NYAP1: variants seen among roughly 807,000 people sequenced by gnomAD.
NYAP1 encodes the protein neuronal tyrosine phosphorylated phosphoinositide-3-kinase adaptor 1.
In NYAP1, 20 loss-of-function variants were observed where a neutral mutation model predicts 58.6. That is an observed-to-expected ratio of 0.34 (90% confidence interval 0.24 to 0.50). The LOEUF is 0.50. Ranked by LOEUF, NYAP1 falls within the 20% of genes least tolerant of loss-of-function variation. The pLI is 0.98. For missense variants in NYAP1, 1,150 were observed against 1,194.5 expected, an observed-to-expected ratio of 0.96 and a Z score of 0.55; for synonymous variants, 572 against 523.1, an observed-to-expected ratio of 1.09 and a Z score of -1.27.
chr7:100,493,956 T>C lies in NYAP1; in HGVS notation c.*53T>C. The C allele has an allele frequency of 1.5e-6, 2 of 1,355,642 alleles. No homozygotes were observed. The highest frequency in any genetic ancestry group is 1.9e-6 in the Non-Finnish European group (2 of 1,041,088). 84.0% of individuals were successfully genotyped at this position (1,355,642 alleles called of 1,614,324 possible). On this transcript the variant is annotated 3_prime_UTR_variant, in exon 7 of 7. Coordinates refer to ENST00000300179, the MANE Select transcript of NYAP1 (RefSeq NM_173564.4). The stretch of plus-strand genomic sequence containing the variant: ...GGACTGGGGAGGGGGCGGGCACGCC[T>C]GGCTCTCCCGGGAGCCTCGCCTTGA...
rs1276315300 is a variant in NYAP1 at position 100,488,806 on chromosome 7, A to C, written c.1085A>C (p.His362Pro). Residue 362 changes from histidine to proline, a missense_variant, in exon 4 of 7, where the codon CAC (histidine) becomes CCC (proline). Coordinates refer to ENST00000300179, the MANE Select transcript of NYAP1 (RefSeq NM_173564.4). The surrounding 1 kb of genome is among the most constrained non-coding windows in gnomAD (Gnocchi z 5.9). ...GTCTCAAGGCTACCTGTCCTCTGCC[A>C]CTCCAAGGAGCCAGCCGGCTCCACC... Reference protein sequence around the residue: ...DGVSRLPVLCHSKEPAGSTPA... With the variant: ...DGVSRLPVLCPSKEPAGSTPA... 6.3e-7 allele frequency: 1 copy of C among 1,575,534 alleles called. No homozygotes were observed.
chr7:100,487,178 A>C lies in NYAP1; in HGVS notation c.426A>C (p.Lys142Asn). Residue 142 changes from lysine to asparagine, a missense_variant, in exon 3 of 7, where the codon AAA becomes AAC. By Grantham distance (94) the Lys-to-Asn change is moderately conservative. Coordinates refer to ENST00000300179, the MANE Select transcript of NYAP1 (RefSeq NM_173564.4). The surrounding 1 kb of genome is among the most constrained non-coding windows in gnomAD (Gnocchi z 4.1). The stretch of plus-strand genomic sequence containing the variant: ...GGGCAGAGACGCCCCCCAGCAAGAA[A>C]GCAGGTGAGATACCCCCTATCTCTC... ...GSGAETPPSK[K>N]AGSQKPTPEG... 1 of 1,486,512 alleles carries C rather than the reference A, an allele frequency of 6.7e-7. No individual in the cohort carries two copies. The highest frequency in any genetic ancestry group is 8.9e-7 in the Non-Finnish European group (1 of 1,119,614). The allele number at this position is 1,486,512 out of a possible 1,614,324, so 92.1% of individuals were successfully genotyped here. A position where few individuals can be genotyped will look rare whatever the true frequency, so the allele number is the denominator to read the frequency against.
rs148432643 is a variant in NYAP1 at position 100,486,299 on chromosome 7, G to A, written c.69-522G>A. Reference sequence around the variant, plus strand: ...AGAGAGAGAACAGCACCAGGGGAGAGGGAGGAAGAAGGATGGGCCAGGGAG... The same window carrying A: ...AGAGAGAGAACAGCACCAGGGGAGAAGGAGGAAGAAGGATGGGCCAGGGAG... On this transcript the variant is annotated intron_variant, in intron 2 of 6. Coordinates refer to ENST00000300179, the MANE Select transcript of NYAP1 (RefSeq NM_173564.4). The surrounding 1 kb of genome is among the most constrained non-coding windows in gnomAD (Gnocchi z 6.2). 6.6e-6 allele frequency among the ~76,000 whole-genome samples: 1 copy of A among 152,222 alleles called. No individual in the cohort carries two copies. Among genetic ancestry groups the A allele is most frequent in the Non-Finnish European group, 1.5e-5 (1 of 68,016 alleles).
Position 100,490,501 on chromosome 7 carries a change from C to A in NYAP1, c.1946-16C>A, listed in dbSNP as rs1799780718. ...TCCAACATGCAGGCACACAGCTCTC[C>A]TTGTCATCCCAGCAGAGGTCGAGGA... On this transcript the variant is annotated splice_polypyrimidine_tract_variant and intron_variant, in intron 4 of 6. Transcript: ENST00000300179. This position sits in a 1 kb window ranked among gnomAD's most constrained non-coding sequence, Gnocchi z 4.6. The A allele has an allele frequency of 7.0e-6, 11 of 1,569,038 alleles. No individual in the cohort carries two copies. The highest frequency in any genetic ancestry group is 9.5e-6 in the Non-Finnish European group (11 of 1,156,756).
At chr7:100,491,793 A>G (rs2131069974) in intron 6 of NYAP1, among the ~76,000 whole-genome samples, 1 of 152,316 alleles carries the variant, frequency 6.6e-6, no homozygotes, top group East Asian at 1.9e-4. Context: ...TCATGCCTGT[A>G]ATCCCAGCAG....
rs1481403641 is a variant in NYAP1 at position 100,487,732 on chromosome 7, G to A, written c.431-420G>A. Among the ~76,000 whole-genome samples, 3 of 152,178 alleles carry A rather than the reference G, an allele frequency of 2.0e-5. No homozygotes were observed. Among genetic ancestry groups the A allele is most frequent in the Non-Finnish European group, 2.9e-5 (2 of 68,012 alleles). ...TGGCCAGGCTGACAAGGCCAGGCTT[G>A]CTGGCCTCAGGTGATCCACCCACCT... On this transcript the variant is annotated intron_variant, in intron 3 of 6. Coordinates refer to ENST00000300179, the MANE Select transcript of NYAP1 (RefSeq NM_173564.4). The surrounding 1 kb of genome is among the most constrained non-coding windows in gnomAD (Gnocchi z 4.1).
chr7:100,493,489 G>A (rs1799824354), intron 6 of NYAP1, among the ~76,000 whole-genome samples, 157 bp from the exon 7 acceptor site: 1 of 152,262 alleles, frequency 6.6e-6, no homozygotes, highest in Non-Finnish European at 1.5e-5. Flanking sequence ...GGCCCCCATG[G>A]GCCCCACAGC....
In NYAP1 at chr7:100,493,802, A is replaced by T; in HGVS notation, c.2425A>T (p.Met809Leu). The change falls in exon 7 of 7, where the codon ATG (methionine) becomes TTG (leucine). Residue 809 changes from methionine (M) to leucine (L), a missense_variant. By Grantham distance (15) the Met-to-Leu change is conservative (BLOSUM62 2). Coordinates refer to ENST00000300179, the MANE Select transcript of NYAP1 (RefSeq NM_173564.4). The part of the protein sequence containing the change: ...PDRGLCKQES[M>L]PILPSWRRGP... Reference sequence around the variant, plus strand: ...CCGAGGCCTCTGCAAGCAGGAGAGCATGCCCATCCTCCCCAGCTGGCGGCG... The same window carrying T: ...CCGAGGCCTCTGCAAGCAGGAGAGCTTGCCCATCCTCCCCAGCTGGCGGCG... The T allele has an allele frequency of 6.3e-7, 1 of 1,599,388 alleles. No individual in the cohort carries two copies. Among genetic ancestry groups the T allele is most frequent in the South Asian group, 1.1e-5 (1 of 89,814 alleles).
Position 100,489,227 on chromosome 7 carries a change from C to T in NYAP1, c.1506C>T (p.Ser502=). Residue 502 remains serine (S), a synonymous_variant, in exon 4 of 7, where the codon AGC becomes AGT. Transcript: ENST00000300179. ...ISVLHGMLCT[S]SRPPVPGKTS... ...TCCTCCATGGGATGCTGTGTACCAG[C>T]TCAAGGCCCCCTGTGCCAGGGAAGA... 1.2e-6 allele frequency: 2 copies of T among 1,608,000 alleles called. No homozygotes were observed. The highest frequency in any genetic ancestry group is 2.2e-5 in the East Asian group (1 of 44,696).
rs145226359 is a variant in NYAP1 at position 100,488,663 on chromosome 7, G to A, written c.942G>A (p.Thr314=). Residue 314 remains threonine, a synonymous_variant, in exon 4 of 7, where the codon ACG becomes ACA. Coordinates refer to ENST00000300179, the MANE Select transcript of NYAP1 (RefSeq NM_173564.4). The surrounding 1 kb of genome is among the most constrained non-coding windows in gnomAD (Gnocchi z 5.9). ...CCCTCCCGAGCCGGAGGGACGGGAC[G>A]CCCACCAAGACCACTCCTTGTGAAA... The part of the protein sequence containing the change: ...ASALPSRRDG[T]PTKTTPCEIP... 8 of 1,610,308 alleles carry A rather than the reference G, an allele frequency of 5.0e-6. No individual in the cohort carries two copies. The highest frequency in any genetic ancestry group is 4.4e-5 in the South Asian group (4 of 90,942).
At chr7:100,491,118 T>C (rs1799790881) in intron 6 of NYAP1, 23 bp downstream of exon 6, 1 of 1,438,162 alleles carries the variant, frequency 7.0e-7, no homozygotes, top group African/African-American at 1.4e-5. Context: ...TTTTCTTTTA[T>C]TTGTGAAGGA....
rs141511133 is a variant in NYAP1, at chr7:100,488,725, C to T, written c.1004C>T (p.Pro335Leu). ...TTCCCCAACCTCCTTCAGCACCGGCCTCCACTCCTGGCCTTCCCCCAAGCC... is the reference window on the plus strand; with the variant it reads ...TTCCCCAACCTCCTTCAGCACCGGCTTCCACTCCTGGCCTTCCCCCAAGCC... ...PPFPNLLQHRPPLLAFPQAKS... is the reference protein window; with the variant it reads ...PPFPNLLQHRLPLLAFPQAKS... The change falls in exon 4 of 7, where the codon CCT (proline) becomes CTT (leucine). Residue 335 changes from proline to leucine, a missense_variant. Transcript: ENST00000300179. This position sits in a 1 kb window ranked among gnomAD's most constrained non-coding sequence, Gnocchi z 5.9. 2.9e-5 allele frequency: 46 copies of T among 1,611,144 alleles called. No individual in the cohort carries two copies. The highest frequency in any genetic ancestry group is 4.0e-5 in the African/African-American group (3 of 74,830).
At position 100,489,014 on chromosome 7, in the gene NYAP1, C is replaced by G; in HGVS notation, c.1293C>G (p.Ile431Met). Residue 431 changes from isoleucine to methionine, a missense_variant, in exon 4 of 7, where the codon ATC (isoleucine) becomes ATG (methionine). Physicochemically the swap from Ile to Met is conservative, Grantham distance 10 (BLOSUM62 1). Transcript: ENST00000300179. ...AGCTCCCCAACTCCCACAGCATGATCTGCCCTAAGGCGGCGGGGGCGCCGG... is the reference window on the plus strand; with the variant it reads ...AGCTCCCCAACTCCCACAGCATGATGTGCCCTAAGGCGGCGGGGGCGCCGG... ...ERELPNSHSM[I>M]CPKAAGAPAA... The G allele has an allele frequency of 1.3e-6, 2 of 1,570,312 alleles. No homozygotes were observed. Among genetic ancestry groups the G allele is most frequent in the Non-Finnish European group, 1.7e-6 (2 of 1,164,802 alleles).
At chr7:100,489,737 G>C (rs1322030371) in intron 4 of NYAP1, 71 bp downstream of exon 4, 11 of 1,195,704 alleles carry the variant, frequency 9.2e-6, no homozygotes, top group African/African-American at 1.6e-5. Flanking sequence ...GCGATGGTTT[G>C]GGGGAGGTGT....
chr7:100,492,440 A>G (rs1799808972), intron 6 of NYAP1, among the ~76,000 whole-genome samples: 1 of 151,984 alleles, frequency 6.6e-6, no homozygotes, highest in Admixed American at 6.6e-5. Flanking sequence ...ATTTAGGAAA[A>G]AGACCTCCCC....
At position 100,490,803 on chromosome 7, in the gene NYAP1, C is replaced by T; in HGVS notation, c.2158+74C>T. 2.3e-6 allele frequency: 3 copies of T among 1,331,800 alleles called. No homozygotes were observed. Among genetic ancestry groups the T allele is most frequent in the Admixed American group, 2.7e-5 (1 of 37,726 alleles). The allele number at this position is 1,331,800 out of a possible 1,614,324, so 82.5% of individuals were successfully genotyped here. A position where few individuals can be genotyped will look rare whatever the true frequency, so the allele number is the denominator to read the frequency against. On this transcript the variant is annotated intron_variant, in intron 5 of 6. Coordinates refer to ENST00000300179, the MANE Select transcript of NYAP1 (RefSeq NM_173564.4). The surrounding 1 kb of genome is among the most constrained non-coding windows in gnomAD (Gnocchi z 4.6). ...CTCCCGGGGTCTAGCTGCACCTGTC[C>T]TGACTTCCTCTCACCTGTTCACGTC...
chr7:100,489,379 C>A lies in NYAP1; in HGVS notation c.1658C>A (p.Ala553Asp), dbSNP rs1256493426. 1.2e-6 allele frequency: 2 copies of A among 1,612,696 alleles called. No individual in the cohort carries two copies. The highest frequency in any genetic ancestry group is 1.7e-5 in the Admixed American group (1 of 59,984). Reference protein sequence around the residue: ...GPLTPLWTYPATAAGLKRPPA... With the variant: ...GPLTPLWTYPDTAAGLKRPPA... ...CTGACCCCGCTGTGGACCTACCCAG[C>A]CACAGCAGCTGGGCTCAAGAGACCC... The change falls in exon 4 of 7, where the codon GCC becomes GAC. Residue 553 changes from alanine to aspartate, a missense_variant. Coordinates refer to ENST00000300179, the MANE Select transcript of NYAP1 (RefSeq NM_173564.4).
At position 100,486,273 on chromosome 7, in the gene NYAP1, CAGAG is replaced by C. The variant is rs893955154; in HGVS notation, c.69-542_69-539del. Among the ~76,000 whole-genome samples, 115 of 152,150 alleles carry C rather than the reference CAGAG, an allele frequency of 7.6e-4. No homozygotes were observed. Among genetic ancestry groups the C allele is most frequent in the African/African-American group, 2.7e-3 (112 of 41,496 alleles). Reference sequence around the variant, plus strand: ...AATGGGGGTGAGCCGGGGAGGCTGACAGAGAGAGAACAGCACCAGGGGAGAGGGA... The same window carrying C: ...AATGGGGGTGAGCCGGGGAGGCTGACAGAGAACAGCACCAGGGGAGAGGGA... On this transcript the variant is annotated intron_variant, in intron 2 of 6. Transcript: ENST00000300179. This position sits in a 1 kb window ranked among gnomAD's most constrained non-coding sequence, Gnocchi z 6.2.
rs748465487 is a variant in NYAP1 at position 100,488,600 on chromosome 7, C to T, written c.879C>T (p.His293=). ...LTATSPPQQP[H]ALPPHAHRRP... is the part of the protein sequence containing the mutation. ...CAACATCCCCGCCACAACAGCCTCA[C>T]GCCCTTCCGCCCCATGCCCACCGCC... The change falls in exon 4 of 7, where the codon CAC becomes CAT. Residue 293 remains histidine (H), a synonymous_variant. Transcript: ENST00000300179. The surrounding 1 kb of genome is among the most constrained non-coding windows in gnomAD (Gnocchi z 5.9). 6.8e-6 allele frequency: 11 copies of T among 1,610,694 alleles called. No individual in the cohort carries two copies. The highest frequency in any genetic ancestry group is 2.2e-5 in the South Asian group (2 of 90,900).
Sources: allele counts gnomAD v4.1 joint callset (sites outside exome capture counted in the v4.1 genomes callset), GRCh38; gene constraint gnomAD v4.1.1; non-coding constraint Gnocchi (gnomAD v3.1); transcripts MANE v1.5; gene names NCBI Gene and HGNC (gene_info 2026-07-23, HGNC 2026-07-21).